Variants in DZIP3 observed in about 807,000 individuals in gnomAD.
The protein encoded by DZIP3 is E3 ubiquitin-protein ligase DZIP3.
A neutral mutation model predicts 162.0 loss-of-function variants in DZIP3; 118 were observed. That is an observed-to-expected ratio of 0.73 (90% CI 0.63 to 0.85). The LOEUF (loss-of-function observed/expected upper bound fraction) is 0.85. Ranked by LOEUF, DZIP3 falls within the 40% of genes least tolerant of loss-of-function variation. The probability of loss-of-function intolerance (pLI) is 0.00; values close to 1 mark genes in which losing one functional copy is unlikely to be tolerated. For synonymous variants in DZIP3, 438 were observed against 458.6 expected (o/e 0.96, Z 0.57); for missense variants, 1,331 against 1,407.0 (o/e 0.95, Z 0.86).
chr3:108,618,485 C>G (rs887374784), intron 5 of DZIP3, among the ~76,000 whole-genome samples: 1 of 152,154 alleles, frequency 6.6e-6, no homozygotes, highest in Non-Finnish European at 1.5e-5. Context: ...AAATAACTTG[C>G]TAACTTGACC....
At chr3:108,689,767 C>T (rs13059124) in intron 31 of DZIP3, among the ~76,000 whole-genome samples, 35,024 of 152,090 alleles carry the variant, frequency 0.23, 4,737 homozygotes, top group Non-Finnish European at 0.31. Context: ...TCTGGTGTTA[C>T]TGCCACACAG....
At chr3:108,666,364 A>G (rs893493016) in intron 21 of DZIP3, among the ~76,000 whole-genome samples, 3 of 152,228 alleles carry the variant, frequency 2.0e-5, no homozygotes, top group African/African-American at 4.8e-5. Context: ...CTCAAGGTAT[A>G]TGTACCAAAA....
Position 108,662,207 on chromosome 3 carries a change from T to G in DZIP3, c.2373T>G (p.Ile791Met). 1 of 1,609,744 alleles carries G rather than the reference T, an allele frequency of 6.2e-7. No homozygotes were observed. The highest frequency in any genetic ancestry group is 8.5e-7 in the Non-Finnish European group (1 of 1,178,904). Residue 791 changes from isoleucine (I) to methionine (M), a missense_variant, in exon 21 of 33, where the codon ATT becomes ATG. Transcript: ENST00000361582. ...TGCAGATTAAAAAGAAAGACAAAAT[T>G]ATCGCATCTCTTAATCAACAAGTTG... is the stretch of plus-strand genomic sequence containing the variant. ...NQMQIKKKDK[I>M]IASLNQQVAF...
chr3:108,667,170 G>A (rs1943717757), intron 21 of DZIP3, among the ~76,000 whole-genome samples: 2 of 151,868 alleles, frequency 1.3e-5, no homozygotes, highest in South Asian at 4.2e-4. Context: ...AAAAGAAACT[G>A]AGAAAGAATG....
intron 22 of DZIP3, among the ~76,000 whole-genome samples, chr3:108,672,185 C>G (rs1001261740): frequency 2.6e-5 from 4 of 151,898 alleles, no homozygotes; most frequent in African/African-American, 9.7e-5. Context: ...AAGGCACCAC[C>G]TCCTAATACC....
intron 3 of DZIP3, among the ~76,000 whole-genome samples, chr3:108,610,429 G>A (rs1006075898): frequency 4.8e-4 from 73 of 152,270 alleles, no homozygotes; most frequent in African/African-American, 1.7e-3. Context: ...GGACTTTATT[G>A]GTTTCTACTT....
chr3:108,679,164 C>G (rs1221410825), intron 26 of DZIP3, among the ~76,000 whole-genome samples: 2 of 152,098 alleles, frequency 1.3e-5, no homozygotes, highest in African/African-American at 4.8e-5. Context: ...ATTCAAAATA[C>G]TGTCCTTAGA....
In DZIP3 at chr3:108,644,329, A is replaced by G. The variant is rs1942525126; in HGVS notation, c.1307A>G (p.Tyr436Cys). The G allele has an allele frequency of 2.5e-6, 4 of 1,613,972 alleles. No individual in the cohort carries two copies. The highest frequency in any genetic ancestry group is 1.7e-5 in the Admixed American group (1 of 59,990). ...CACAAGAATGTGCTGGAATCCTACT[A>G]CAACCATCTTTGGACCAATCATCCT... Reference protein sequence around the residue: ...LIHKNVLESYYNHLWTNHPLG... With the variant: ...LIHKNVLESYCNHLWTNHPLG... The change falls in exon 14 of 33, where the codon TAC becomes TGC. Residue 436 changes from tyrosine (Y) to cysteine (C), a missense_variant. Around this residue, in one of 2 missense-constraint regions of DZIP3, gnomAD observed 1,278 missense variants for 1,317.1 expected, o/e 0.97. Transcript: ENST00000361582.
At chr3:108,626,077 T>A in intron 7 of DZIP3, 108 bp downstream of exon 7, 1 of 1,246,882 alleles carries the variant, frequency 8.0e-7, no homozygotes, top group African/African-American at 1.5e-5. Context: ...TGCTCTACTG[T>A]TTTATCCTTT....
chr3:108,688,016 T>C lies in DZIP3; in HGVS notation c.3190T>C (p.Tyr1064His), dbSNP rs1376544351. 1 of 1,613,634 alleles carries C rather than the reference T, an allele frequency of 6.2e-7. No homozygotes were observed. Among genetic ancestry groups the C allele is most frequent in the Non-Finnish European group, 8.5e-7 (1 of 1,179,744 alleles). ...TTTCTTACGGAAATTGAAGGATGCT[T>C]ATGGAAAATCCTTGTCTGAACTGAC... The part of the protein sequence containing the change: ...TDFLRKLKDA[Y>H]GKSLSELTFD... The change falls in exon 29 of 33, where the codon TAT (tyrosine) becomes CAT (histidine). Residue 1064 changes from tyrosine to histidine, a missense_variant. Around this residue, in one of 2 missense-constraint regions of DZIP3, gnomAD observed 1,278 missense variants for 1,317.1 expected, o/e 0.97. Transcript: ENST00000361582.
rs891406275 is a variant in DZIP3 at position 108,684,408 on chromosome 3, G to A, written c.3009+67G>A. On this transcript the variant is annotated intron_variant, in intron 27 of 32. Coordinates refer to ENST00000361582, the MANE Select transcript of DZIP3 (RefSeq NM_014648.4). ...TATTACTCTAGTGGGCTTCCTGAATGAGTATCTTCATTTTGTTCATTCATT... is the reference window on the plus strand; with the variant it reads ...TATTACTCTAGTGGGCTTCCTGAATAAGTATCTTCATTTTGTTCATTCATT... The A allele has an allele frequency of 4.8e-5, 74 of 1,536,818 alleles. No individual in the cohort carries two copies. The African/African-American group carries it at 9.1e-4, about 19-fold the overall frequency.
intron 9 of DZIP3, 61 bp from the exon 10 acceptor site, chr3:108,634,810 T>A: frequency 1.1e-6 from 1 of 927,832 alleles, no homozygotes; most frequent in Non-Finnish European, 1.6e-6. Flanking sequence ...CAATATAATT[T>A]TTTTTATCTA....
chr3:108,599,283 A>G (rs1043206394), intron 1 of DZIP3, among the ~76,000 whole-genome samples: 4 of 152,192 alleles, frequency 2.6e-5, no homozygotes, highest in Non-Finnish European at 5.9e-5. Context: ...TTCCACCATC[A>G]TCCATAAGTT....
At chr3:108,662,376 C>CTTGTTTAAAAACCA in intron 21 of DZIP3, 119 bp downstream of exon 21, 1 of 1,220,482 alleles carries the variant, frequency 8.2e-7, no homozygotes, top group South Asian at 2.1e-5. Context: ...ACCTCAACCA[C>CTTGTTTAAAAACCA]ACGACTGCAC....
At chr3:108,676,737 C>T (rs1944124839) in intron 25 of DZIP3, among the ~76,000 whole-genome samples, 1 of 152,024 alleles carries the variant, frequency 6.6e-6, no homozygotes, top group Admixed American at 6.6e-5. Context: ...TGATGCTTAG[C>T]GTTTCTGTTG....
chr3:108,668,741 C>T (rs1195825164), intron 21 of DZIP3, among the ~76,000 whole-genome samples: 1 of 151,888 alleles, frequency 6.6e-6, no homozygotes, highest in Non-Finnish European at 1.5e-5. Flanking sequence ...CTATAAGTCT[C>T]TAAGTCTTCT....
intron 18 of DZIP3, among the ~76,000 whole-genome samples, chr3:108,653,507 G>GTGTATATACATATA (rs1273159630): frequency 3.8e-5 from 4 of 104,602 alleles, no homozygotes; most frequent in Non-Finnish European, 8.0e-5. Context: ...GTGTGTGTGT[G>GTGTATATACATATA]TATATATATA....
At chr3:108,596,467 T>G (rs1235831285) in intron 1 of DZIP3, among the ~76,000 whole-genome samples, 2 of 152,146 alleles carry the variant, frequency 1.3e-5, no homozygotes, top group Non-Finnish European at 2.9e-5. Flanking sequence ...GATATTTAAG[T>G]ATTTAGAGGT....
chr3:108,674,238 C>T, intron 24 of DZIP3, 57 bp downstream of exon 24: 2 of 1,403,076 alleles, frequency 1.4e-6, no homozygotes, highest in South Asian at 2.3e-5. Flanking sequence ...GCAAGTGTCT[C>T]CACGGTTGAA....
Sources: gnomAD v4.1 joint callset for allele counts (sites outside exome capture counted in the v4.1 genomes callset) on GRCh38, gnomAD v4.1.1 for gene constraint, gnomAD v4.1.1 regional missense constraint, MANE v1.5 for transcripts, NCBI Gene and HGNC (gene_info 2026-07-23, HGNC 2026-07-21) for gene names.